FRK: variants seen among roughly 807,000 people sequenced by gnomAD.
FRK encodes the protein tyrosine-protein kinase FRK.
A neutral mutation model predicts 56.4 loss-of-function variants in FRK; 51 were observed. The observed-to-expected ratio is 0.90, with a 90% CI of 0.72 to 1.14. The LOEUF (loss-of-function observed/expected upper bound fraction) is 1.14, where lower values mean the gene tolerates loss of function less well. Ranked by LOEUF, FRK falls within the 50% of genes most tolerant of loss-of-function variation. The probability of loss-of-function intolerance (pLI) is 0.00; values close to 1 mark genes in which losing one functional copy is unlikely to be tolerated. For synonymous variants in FRK, 245 were observed against 217.9 expected, an observed-to-expected ratio of 1.12 and a Z score of -1.10; for missense variants, 570 against 601.4, an observed-to-expected ratio of 0.95 and a Z score of 0.55.
rs188601427 is a variant in FRK at position 116,028,196 on chromosome 6, T to G, written c.345-24198A>C. On this transcript the variant is annotated intron_variant, in intron 1 of 7. Transcript: ENST00000606080. The stretch of plus-strand genomic sequence containing the variant: ...ACTGTCACAAAACCCTTATCACTAC[T>G]CAGTACCATCAGTATTTTTTCTGAC... Among the ~76,000 whole-genome samples the G allele has an allele frequency of 1.1e-3, 171 of 152,266 alleles. 1 individual carries two copies. The highest frequency in any genetic ancestry group is 4.0e-3 in the African/African-American group (167 of 41,560).
intron 1 of FRK, among the ~76,000 whole-genome samples, chr6:116,058,516 C>T (rs1777479932): frequency 6.6e-6 from 1 of 152,060 alleles, no homozygotes; most frequent in Non-Finnish European, 1.5e-5. Context: ...TATCTTATTC[C>T]CTGGACCAGT....
chr6:115,991,114 T>A (rs1325851441), intron 2 of FRK, among the ~76,000 whole-genome samples: 1 of 151,882 alleles, frequency 6.6e-6, no homozygotes, highest in Non-Finnish European at 1.5e-5. Flanking sequence ...TTTTATATGT[T>A]AATTTTGTAT....
chr6:115,954,435 C>G (rs147200138), intron 5 of FRK, among the ~76,000 whole-genome samples: 343 of 152,260 alleles, frequency 2.3e-3, no homozygotes, highest in Middle Eastern at 6.8e-3. Context: ...AGGTGGCAGC[C>G]TGGATCAGGG....
the FRK span, among the ~76,000 whole-genome samples, chr6:116,096,420 G>T: frequency 6.6e-6 from 1 of 152,170 alleles, no homozygotes; most frequent in Non-Finnish European, 1.5e-5. Flanking sequence ...CTAAAGGATT[G>T]TAAATGCACT....
intron 5 of FRK, among the ~76,000 whole-genome samples, chr6:115,950,275 T>G (rs1772675105): frequency 1.3e-5 from 2 of 152,240 alleles, no homozygotes; most frequent in Non-Finnish European, 2.9e-5. Flanking sequence ...ATTTTTGCAA[T>G]CTATCCATCT....
the FRK span, among the ~76,000 whole-genome samples, chr6:116,073,919 G>C: frequency 6.6e-6 from 1 of 152,166 alleles, no homozygotes; most frequent in African/African-American, 2.4e-5. Flanking sequence ...CCTGGCTGCT[G>C]CCAGGGTGAA....
chr6:116,051,272 G>C (rs554682688), intron 1 of FRK, among the ~76,000 whole-genome samples: 1 of 152,138 alleles, frequency 6.6e-6, no homozygotes, highest in Non-Finnish European at 1.5e-5. Flanking sequence ...CATGAAAAAA[G>C]TATTTGATTG....
chr6:116,009,150 G>C (rs1204916849), intron 1 of FRK, among the ~76,000 whole-genome samples: 1 of 152,168 alleles, frequency 6.6e-6, no homozygotes. Flanking sequence ...AAGGTTTGAA[G>C]AGTTGGCCCC....
At chr6:116,013,215 C>T (rs950846804) in intron 1 of FRK, among the ~76,000 whole-genome samples, 2 of 152,114 alleles carry the variant, frequency 1.3e-5, no homozygotes, top group African/African-American at 4.8e-5. Context: ...TAGTCTGAAT[C>T]CACTTCCCTG....
chr6:116,030,017 A>G (rs1256935866), intron 1 of FRK, among the ~76,000 whole-genome samples: 4 of 152,088 alleles, frequency 2.6e-5, no homozygotes, highest in Non-Finnish European at 5.9e-5. Context: ...ACTCTTTGAA[A>G]TTGAATTTCT....
intron 1 of FRK, among the ~76,000 whole-genome samples, chr6:116,004,531 A>G (rs909360614): frequency 1.3e-5 from 2 of 152,194 alleles, no homozygotes; most frequent in African/African-American, 4.8e-5. Flanking sequence ...CCCTGCCATA[A>G]GATGAGATTA....
chr6:115,965,912 AG>A (rs1400932721), intron 4 of FRK, among the ~76,000 whole-genome samples: 1 of 82,986 alleles, frequency 1.2e-5, no homozygotes, highest in Non-Finnish European at 2.4e-5. Context: ...GGGTCGGGGG[AG>A]GGGGGAGGGA....
At chr6:115,958,293 A>G (rs1365955230) in intron 4 of FRK, among the ~76,000 whole-genome samples, 2 of 143,084 alleles carry the variant, frequency 1.4e-5, no homozygotes, top group Non-Finnish European at 3.1e-5. Flanking sequence ...ACCCCCCCCA[A>G]AAAAGAAGCT....
At chr6:116,067,382 CATTT>C in the FRK span, among the ~76,000 whole-genome samples, 150 of 151,760 alleles carry the variant, frequency 9.9e-4, 3 homozygotes, top group South Asian at 0.023. Context: ...TTTTTATTTT[CATTT>C]ATTTATTTAT....
the FRK span, among the ~76,000 whole-genome samples, chr6:116,100,585 T>G: frequency 6.6e-6 from 1 of 152,092 alleles, no homozygotes; most frequent in African/African-American, 2.4e-5. Context: ...TGCCTACAGG[T>G]CTCAGCTGTG....
At chr6:115,971,114 T>A (rs1302171777) in intron 2 of FRK, among the ~76,000 whole-genome samples, 1 of 152,220 alleles carries the variant, frequency 6.6e-6, no homozygotes, top group Non-Finnish European at 1.5e-5. Context: ...TTTAAAAGAA[T>A]ACTTTTAAAA....
chr6:116,068,221 C>A, the FRK span, among the ~76,000 whole-genome samples: 1 of 152,018 alleles, frequency 6.6e-6, no homozygotes. Flanking sequence ...GAAAAGATGG[C>A]CTTTAATATT....
the FRK span, among the ~76,000 whole-genome samples, chr6:116,066,811 G>C: frequency 6.6e-6 from 1 of 152,026 alleles, no homozygotes; most frequent in Admixed American, 6.6e-5. Flanking sequence ...TTCTTCATTT[G>C]GATGGATCTT....
intron 4 of FRK, among the ~76,000 whole-genome samples, chr6:115,966,049 A>AT (rs1773556731): frequency 4.7e-4 from 2 of 4,278 alleles, no homozygotes; most frequent in South Asian, 0.11. Context: ...TTAAAGTATA[A>AT]TAAAAAAAAA....
Sources: allele counts gnomAD v4.1 joint callset (sites outside exome capture counted in the v4.1 genomes callset), GRCh38; gene constraint gnomAD v4.1.1; transcripts MANE v1.5; gene names NCBI Gene and HGNC (gene_info 2026-07-23, HGNC 2026-07-21).